SCAPER: variants seen among roughly 807,000 people sequenced by gnomAD.
The protein encoded by SCAPER is S phase cyclin A-associated protein in the endoplasmic reticulum.
SCAPER carries 98 observed loss-of-function variants against 182.2 expected under a neutral mutation model. The ratio of observed to expected loss-of-function variants is 0.54; its 90% CI spans 0.46 to 0.64. The LOEUF (loss-of-function observed/expected upper bound fraction) is 0.64, where lower values mean the gene tolerates loss of function less well. SCAPER is among the 30% of genes least tolerant of loss of function. The probability of loss-of-function intolerance (pLI) is 0.00; values close to 1 mark genes in which losing one functional copy is unlikely to be tolerated. For missense variants in SCAPER, 1,432 were observed against 1,690.0 expected (o/e 0.85, Z 2.68); for synonymous variants, 605 against 564.6 (o/e 1.07, Z -1.01).
intron 23 of SCAPER, among the ~76,000 whole-genome samples, chr15:76,509,857 T>C (rs1268680062): frequency 6.6e-6 from 1 of 152,124 alleles, no homozygotes; most frequent in Non-Finnish European, 1.5e-5. Flanking sequence ...AACAGCATGG[T>C]ACTGGTATAA....
intron 8 of SCAPER, chr15:76,793,276 C>A: frequency 1.1e-6 from 1 of 896,694 alleles, no homozygotes; most frequent in Non-Finnish European, 1.8e-6. Context: ...TCTCAAGTCT[C>A]CTGGCATGCA....
intron 29 of SCAPER, among the ~76,000 whole-genome samples, chr15:76,361,302 C>A (rs1213456217): frequency 6.6e-6 from 1 of 152,168 alleles, no homozygotes; most frequent in Non-Finnish European, 1.5e-5. Flanking sequence ...AGCAAGCGGG[C>A]CTTTCAGCAG....
At chr15:76,466,419 C>CTTTTT in intron 25 of SCAPER, among the ~76,000 whole-genome samples, 113 of 37,390 alleles carry the variant, frequency 3.0e-3, no homozygotes, top group African/African-American at 5.0e-3. Context: ...GTTGGTTCTT[C>CTTTTT]TTTTTTTTTT....
At chr15:76,720,787 G>A (rs2060190774) in intron 17 of SCAPER, among the ~76,000 whole-genome samples, 2 of 152,068 alleles carry the variant, frequency 1.3e-5, no homozygotes, top group East Asian at 1.9e-4. Flanking sequence ...TTTTTTTCCT[G>A]TAAATTTGTT....
chr15:76,514,042 C>A (rs914141766), intron 23 of SCAPER, among the ~76,000 whole-genome samples: 4 of 152,098 alleles, frequency 2.6e-5, no homozygotes. Context: ...GTGTTCCTAC[C>A]CAGGGCCAAG....
intron 5 of SCAPER, among the ~76,000 whole-genome samples, chr15:76,830,270 A>T (rs112684603): frequency 4.6e-4 from 70 of 152,336 alleles, no homozygotes; most frequent in African/African-American, 1.6e-3. Flanking sequence ...AAGTCACTCA[A>T]GATCCTTAAC....
At chr15:76,519,620 G>A (rs867832732) in intron 23 of SCAPER, among the ~76,000 whole-genome samples, 1 of 152,308 alleles carries the variant, frequency 6.6e-6, no homozygotes, top group East Asian at 1.9e-4. Flanking sequence ...GTGGCTAAGA[G>A]CATGGCCTAT....
At position 76,619,900 on chromosome 15, in the gene SCAPER, A is replaced by T. The variant is rs117699258; in HGVS notation, c.2711+1864T>A. On this transcript the variant is annotated intron_variant, in intron 22 of 31. Coordinates refer to ENST00000563290, the MANE Select transcript of SCAPER (RefSeq NM_020843.4). ...CGAGACCAGCCTGGGCAACAAGGTAAAATTGTCTCTACTAAAATATAAAAA... is the reference window on the plus strand; with the variant it reads ...CGAGACCAGCCTGGGCAACAAGGTATAATTGTCTCTACTAAAATATAAAAA... Among the ~76,000 whole-genome samples, 1,095 of 152,162 alleles carry T rather than the reference A, an allele frequency of 7.2e-3. 9 individuals carry two copies. Among genetic ancestry groups the T allele is most frequent in the Non-Finnish European group, 0.011 (746 of 68,004 alleles).
Position 76,840,753 on chromosome 15 carries a change from G to A in SCAPER, c.393+981C>T, listed in dbSNP as rs182650171. Among the ~76,000 whole-genome samples the A allele has an allele frequency of 2.0e-3, 308 of 152,224 alleles. 1 individual carries two copies. Among genetic ancestry groups the A allele is most frequent in the Admixed American group, 3.5e-3 (54 of 15,294 alleles). Reference sequence around the variant, plus strand: ...TATCACTCTGGTTTTCCTCAAAATAGTTTTATTCAGTAAAAAGTAATATGG... The same window carrying A: ...TATCACTCTGGTTTTCCTCAAAATAATTTTATTCAGTAAAAAGTAATATGG... On this transcript the variant is annotated intron_variant, in intron 5 of 31. Coordinates refer to ENST00000563290, the MANE Select transcript of SCAPER (RefSeq NM_020843.4).
chr15:76,352,281 T>A (rs2040609558), intron 30 of SCAPER, among the ~76,000 whole-genome samples: 1 of 66,992 alleles, frequency 1.5e-5, no homozygotes, highest in Admixed American at 1.5e-4. Context: ...GTTTTACTAA[T>A]TTTTTTTTTG....
intron 23 of SCAPER, among the ~76,000 whole-genome samples, chr15:76,550,723 C>T (rs2045695443): frequency 6.6e-6 from 1 of 152,172 alleles, no homozygotes; most frequent in Non-Finnish European, 1.5e-5. Context: ...AATGGGACTG[C>T]TGGGTCAAAT....
intron 25 of SCAPER, among the ~76,000 whole-genome samples, chr15:76,450,743 T>C (rs184324441): frequency 1.7e-4 from 26 of 152,224 alleles, no homozygotes; most frequent in African/African-American, 5.5e-4. Flanking sequence ...TTAGTAGAGA[T>C]AGGGTTTTGT....
Position 76,765,742 on chromosome 15 carries a change from T to C in SCAPER, c.1420-104A>G, listed in dbSNP as rs928312134. On this transcript the variant is annotated intron_variant, in intron 11 of 31. Coordinates refer to ENST00000563290, the MANE Select transcript of SCAPER (RefSeq NM_020843.4). ...TGTCCTACCTATTGTTAATATATTC[T>C]ATTTAACCAACAGTTGAAAACCAGG... 4.2e-6 allele frequency: 4 copies of C among 956,046 alleles called. No homozygotes were observed. In the Admixed American group the frequency reaches 6.8e-5, roughly 16 times the overall value. 59.2% of individuals were successfully genotyped at this position (956,046 alleles called of 1,614,324 possible). A position where few individuals can be genotyped will look rare whatever the true frequency, so the allele number is the denominator to read the frequency against.
At chr15:76,530,060 G>T (rs930321316) in intron 23 of SCAPER, among the ~76,000 whole-genome samples, 1 of 152,144 alleles carries the variant, frequency 6.6e-6, no homozygotes, top group African/African-American at 2.4e-5. Context: ...AGTGTCTTAT[G>T]AGCAGGGTCT....
At chr15:76,689,694 A>C (rs1028635852) in intron 20 of SCAPER, among the ~76,000 whole-genome samples, 1 of 151,832 alleles carries the variant, frequency 6.6e-6, no homozygotes, top group Non-Finnish European at 1.5e-5. Context: ...TTGAAAACAA[A>C]AAAAAAAACA....
chr15:76,525,931 TC>T (rs758193166), intron 23 of SCAPER, among the ~76,000 whole-genome samples: 1 of 152,180 alleles, frequency 6.6e-6, no homozygotes, highest in Non-Finnish European at 1.5e-5. Flanking sequence ...TCAAGAAATC[TC>T]CAGACTGCTT....
intron 23 of SCAPER, among the ~76,000 whole-genome samples, chr15:76,541,431 C>G (rs1053012146): frequency 6.6e-6 from 1 of 152,110 alleles, no homozygotes; most frequent in Non-Finnish European, 1.5e-5. Context: ...CTACCCTTCC[C>G]CCCACACGAT....
At chr15:76,658,512 T>C (rs1046459002) in intron 21 of SCAPER, among the ~76,000 whole-genome samples, 1 of 152,188 alleles carries the variant, frequency 6.6e-6, no homozygotes, top group South Asian at 2.1e-4. Flanking sequence ...TTCAATTCTA[T>C]TCCCATCAAA....
At chr15:76,358,794 A>T (rs1183509787) in intron 29 of SCAPER, among the ~76,000 whole-genome samples, 2 of 152,222 alleles carry the variant, frequency 1.3e-5, no homozygotes, top group African/African-American at 4.8e-5. Context: ...CCTCAGCCGG[A>T]ATTATGTTCC....
Sources: gnomAD v4.1 joint callset for allele counts (sites outside exome capture counted in the v4.1 genomes callset) on GRCh38, gnomAD v4.1.1 for gene constraint, MANE v1.5 for transcripts, NCBI Gene and HGNC (gene_info 2026-07-23, HGNC 2026-07-21) for gene names.